Variants in RALGPS2 observed in about 807,000 individuals in gnomAD.
The protein encoded by RALGPS2 is Ral GEF with PH domain and SH3 binding motif 2.
A neutral mutation model predicts 86.8 loss-of-function variants in RALGPS2; 43 were observed. That is an observed-to-expected ratio of 0.50 (90% CI 0.39 to 0.64). The LOEUF is 0.64. RALGPS2 is among the 30% of genes least tolerant of loss of function. The pLI, the probability that RALGPS2 is intolerant of heterozygous loss-of-function variation, is 0.00. For missense variants in RALGPS2, 536 were observed against 694.6 expected, an observed-to-expected ratio of 0.77 and a Z score of 2.57; for synonymous variants, 243 against 231.3, an observed-to-expected ratio of 1.05 and a Z score of -0.46.
At chr1:178,832,261 G>T (rs1240729930) in intron 7 of RALGPS2, among the ~76,000 whole-genome samples, 1 of 152,132 alleles carries the variant, frequency 6.6e-6, no homozygotes, top group African/African-American at 2.4e-5. Context: ...CCTTGACGTT[G>T]TATTTTAAAG....
intron 8 of RALGPS2, among the ~76,000 whole-genome samples, chr1:178,837,137 G>A (rs1328656234): frequency 1.3e-5 from 2 of 152,062 alleles, no homozygotes; most frequent in Non-Finnish European, 2.9e-5. Flanking sequence ...GGTTTTTTCT[G>A]TATATTGCCT....
In RALGPS2 at chr1:178,889,897, T is replaced by C. The variant is rs549055973; in HGVS notation, c.1247+201T>C. Among the ~76,000 whole-genome samples the C allele has an allele frequency of 3.9e-5, 6 of 152,146 alleles. No individual in the cohort carries two copies. In the South Asian group the frequency reaches 6.2e-4, roughly 16 times the overall value. On this transcript the variant is annotated intron_variant, in intron 14 of 19. Transcript: ENST00000367635. ...TGATAGTCTTATCTCTAAATGTTTA[T>C]TTGGTGGCATGACACATGTATTTGA...
chr1:178,729,741 T>G (rs1482976029), intron 1 of RALGPS2, among the ~76,000 whole-genome samples: 1 of 152,162 alleles, frequency 6.6e-6, no homozygotes, highest in African/African-American at 2.4e-5. Context: ...AATCTGAAAT[T>G]CAACAAAATT....
intron 10 of RALGPS2, 57 bp from the exon 11 acceptor site, chr1:178,883,404 TTAATC>T: frequency 7.7e-7 from 1 of 1,305,498 alleles, no homozygotes; most frequent in South Asian, 1.2e-5. Context: ...ATACACAACT[TTAATC>T]TTATTTTGTC....
intron 1 of RALGPS2, among the ~76,000 whole-genome samples, chr1:178,737,365 C>T (rs148593093): frequency 1.1e-3 from 163 of 152,314 alleles, no homozygotes; most frequent in African/African-American, 3.8e-3. Context: ...TCTGCCTCAG[C>T]CTCGCGAGTA....
chr1:178,785,089 A>C (rs1217285798), intron 3 of RALGPS2, among the ~76,000 whole-genome samples: 1 of 152,024 alleles, frequency 6.6e-6, no homozygotes, highest in Non-Finnish European at 1.5e-5. Context: ...TCTTATATCT[A>C]TAGCCATAAG....
chr1:178,756,819 G>A (rs1356066292), intron 1 of RALGPS2, among the ~76,000 whole-genome samples: 1 of 152,008 alleles, frequency 6.6e-6, no homozygotes, highest in Non-Finnish European at 1.5e-5. Flanking sequence ...TACTTGTTTT[G>A]TTGTGTTTTT....
At chr1:178,852,953 T>C in intron 8 of RALGPS2, 1 of 1,606,108 alleles carries the variant, frequency 6.2e-7, no homozygotes, top group Non-Finnish European at 8.5e-7. Context: ...CCAAACCCTT[T>C]CTGTTAATAA....
At chr1:178,857,710 A>G (rs1329201063) in intron 8 of RALGPS2, among the ~76,000 whole-genome samples, 2 of 152,144 alleles carry the variant, frequency 1.3e-5, no homozygotes, top group Non-Finnish European at 1.5e-5. Flanking sequence ...ATTTTCGTAA[A>G]TGTTTACTCT....
rs1374241365 is a variant in RALGPS2 at position 178,747,259 on chromosome 1, C to G, written c.-84+21840C>G. On this transcript the variant is annotated intron_variant, in intron 1 of 19. Coordinates refer to ENST00000367635, the MANE Select transcript of RALGPS2 (RefSeq NM_152663.5). ...AGGAGCCAGATTCTCTCACTTTAAA[C>G]AAGAAATTGAGAAATGAAGCTGGTG... 5 of 1,507,562 alleles carry G rather than the reference C, an allele frequency of 3.3e-6. No individual in the cohort carries two copies. In the Admixed American group the frequency reaches 8.4e-5, roughly 25 times the overall value. 93.4% of individuals were successfully genotyped at this position (1,507,562 alleles called of 1,614,324 possible). A position where few individuals can be genotyped will look rare whatever the true frequency, so the allele number is the denominator to read the frequency against.
In RALGPS2 at chr1:178,914,681, T is replaced by A. The variant is rs188339825; in HGVS notation, c.1723-1649T>A. ...TGTCCCAATCCCGAGGGCATTTTTT[T>A]AAAATATTGTTGGAGTGGGCTTTGT... On this transcript the variant is annotated intron_variant, in intron 19 of 19. Transcript: ENST00000367635. Among the ~76,000 whole-genome samples, 177 of 152,320 alleles carry A rather than the reference T, an allele frequency of 1.2e-3. 1 individual carries two copies. Among genetic ancestry groups the A allele is most frequent in the African/African-American group, 3.3e-3 (139 of 41,562 alleles).
intron 6 of RALGPS2, among the ~76,000 whole-genome samples, chr1:178,815,941 G>T (rs761036861): frequency 6.6e-6 from 1 of 152,172 alleles, no homozygotes; most frequent in Non-Finnish European, 1.5e-5. Context: ...TTGCTAAGTA[G>T]ATTTCCAGTG....
At chr1:178,740,508 T>C (rs1315717952) in intron 1 of RALGPS2, among the ~76,000 whole-genome samples, 1 of 152,120 alleles carries the variant, frequency 6.6e-6, no homozygotes, top group Non-Finnish European at 1.5e-5. Context: ...TGTGTTGGTG[T>C]AGAGTCCTGT....
In RALGPS2 at chr1:178,883,523, A is replaced by G. The variant is rs1255703140; in HGVS notation, c.894A>G (p.Glu298=). The change falls in exon 11 of 20, where the codon GAA becomes GAG. Residue 298 remains glutamate, a synonymous_variant. Coordinates refer to ENST00000367635, the MANE Select transcript of RALGPS2 (RefSeq NM_152663.5). The stretch of plus-strand genomic sequence containing the variant: ...CCCCACGTTCTGCTGCTTCCAGAGA[A>G]GATTTAGTAGGTCAGTACGTAGTTT... ...TSTPRSAASR[E]DLVGPEVGAS... is the part of the protein sequence containing the mutation. The G allele has an allele frequency of 6.2e-7, 1 of 1,611,408 alleles. No homozygotes were observed. Among genetic ancestry groups the G allele is most frequent in the Admixed American group, 1.7e-5 (1 of 60,018 alleles).
At chr1:178,893,787 TGTCA>T (rs1659819708) in intron 15 of RALGPS2, 128 bp from the exon 16 acceptor site, 2 of 592,836 alleles carry the variant, frequency 3.4e-6, no homozygotes, top group Admixed American at 3.3e-5. Context: ...CCTTTAGAAT[TGTCA>T]GTGTCTTCTC....
intron 6 of RALGPS2, 44 bp downstream of exon 6, chr1:178,811,448 A>C: frequency 7.9e-7 from 1 of 1,272,020 alleles, no homozygotes; most frequent in Non-Finnish European, 1.1e-6. Flanking sequence ...AACCATTCAT[A>C]AATGTTTGTA....
chr1:178,735,824 G>C (rs1458894410), intron 1 of RALGPS2, among the ~76,000 whole-genome samples: 1 of 151,982 alleles, frequency 6.6e-6, no homozygotes, highest in Non-Finnish European at 1.5e-5. Context: ...GGGGATAATT[G>C]TATTGCATTC....
Position 178,892,308 on chromosome 1 carries a change from G to A in RALGPS2, c.1325+1G>A, listed in dbSNP as rs1449135583. Reference sequence around the variant, plus strand: ...ATCGAAGTCACATGAAGGCCAGCAGGTACAATTCCCCTGCATTCAGGGGTC... The same window carrying A: ...ATCGAAGTCACATGAAGGCCAGCAGATACAATTCCCCTGCATTCAGGGGTC... On this transcript the variant is annotated splice_donor_variant, in intron 15 of 19. Coordinates refer to ENST00000367635, the MANE Select transcript of RALGPS2 (RefSeq NM_152663.5). LOFTEE classifies it high-confidence loss of function. 2 of 1,612,090 alleles carry A rather than the reference G, an allele frequency of 1.2e-6. No homozygotes were observed. The highest frequency in any genetic ancestry group is 1.7e-6 in the Non-Finnish European group (2 of 1,178,636).
chr1:178,894,946 C>T (rs1035925884), intron 16 of RALGPS2, among the ~76,000 whole-genome samples: 1 of 151,616 alleles, frequency 6.6e-6, no homozygotes, highest in Non-Finnish European at 1.5e-5. Context: ...AGAGTAACAA[C>T]CCTAAAAAAT....
Sources: gnomAD v4.1 joint callset for allele counts (sites outside exome capture counted in the v4.1 genomes callset) on GRCh38, gnomAD v4.1.1 for gene constraint, MANE v1.5 for transcripts, NCBI Gene and HGNC (gene_info 2026-07-23, HGNC 2026-07-21) for gene names.